The following NUP214 variants were observed in gnomAD, a reference collection of about 807,000 sequenced individuals.
The protein encoded by NUP214 is nucleoporin 214.
NUP214 carries 79 observed loss-of-function variants against 196.2 expected under a neutral mutation model. The ratio of observed to expected loss-of-function variants is 0.40; its 90% CI spans 0.34 to 0.49. NUP214 has a LOEUF of 0.49. NUP214 is among the 20% of genes least tolerant of loss of function. NUP214 has a pLI of 0.58. For missense variants in NUP214, 2,468 were observed against 2,539.0 expected, an observed-to-expected ratio of 0.97 and a Z score of 0.60; for synonymous variants, 1,020 against 990.5, an observed-to-expected ratio of 1.03 and a Z score of -0.56.
In NUP214 at chr9:131,129,310, A is replaced by T; in HGVS notation, c.425A>T (p.His142Leu). ...CAGCAAAAACGCCCATTTGCCTATC[A>T]TAAGCTTTTGAAAGATGCAGGAGGC... is the stretch of plus-strand genomic sequence containing the variant. ...AKQQKRPFAY[H>L]KLLKDAGGMV... The change falls in exon 4 of 36, where the codon CAT (histidine) becomes CTT (leucine). Residue 142 changes from histidine to leucine, a missense_variant. By Grantham distance (99) the His-to-Leu change is moderately conservative. Coordinates refer to ENST00000359428, the MANE Select transcript of NUP214 (RefSeq NM_005085.4). 1.2e-6 allele frequency: 2 copies of T among 1,614,234 alleles called. No homozygotes were observed. Among genetic ancestry groups the T allele is most frequent in the Non-Finnish European group, 1.7e-6 (2 of 1,180,046 alleles).
chr9:131,152,309 G>T (rs1319125178), intron 17 of NUP214, among the ~76,000 whole-genome samples: 3 of 151,956 alleles, frequency 2.0e-5, no homozygotes, highest in Non-Finnish European at 1.5e-5. Flanking sequence ...GAGAGATAAG[G>T]TGTTACTATG....
intron 21 of NUP214, among the ~76,000 whole-genome samples, chr9:131,173,110 G>A (rs1267892456): frequency 6.6e-6 from 1 of 152,160 alleles, no homozygotes; most frequent in Non-Finnish European, 1.5e-5. Context: ...AGGCTGCAGT[G>A]CAATGGTGCA....
intron 1 of NUP214, chr9:131,126,081 T>C: frequency 2.8e-6 from 1 of 363,168 alleles, no homozygotes; most frequent in Non-Finnish European, 5.0e-6. Context: ...GAAGTAGTCG[T>C]TAACGTAGAG....
At position 131,234,528 on chromosome 9, in the gene NUP214, A is replaced by C; in HGVS notation, c.*1041A>C. 1 of 232,004 alleles carries C rather than the reference A, an allele frequency of 4.3e-6. No homozygotes were observed. Among genetic ancestry groups the C allele is most frequent in the Non-Finnish European group, 8.5e-6 (1 of 117,312 alleles). 14.4% of individuals were successfully genotyped at this position (232,004 alleles called of 1,614,324 possible). A position where few individuals can be genotyped will look rare whatever the true frequency, so the allele number is the denominator to read the frequency against. Reference sequence around the variant, plus strand: ...AAACAGATGTAAGAATTTCTCTTTCAGGCCCAGAATCTGACAGTGCTTTGG... The same window carrying C: ...AAACAGATGTAAGAATTTCTCTTTCCGGCCCAGAATCTGACAGTGCTTTGG... On this transcript the variant is annotated 3_prime_UTR_variant, in exon 36 of 36. Coordinates refer to ENST00000359428, the MANE Select transcript of NUP214 (RefSeq NM_005085.4).
chr9:131,151,701 CTT>C (rs1190673589), intron 16 of NUP214, 33 bp from the exon 17 acceptor site: 41 of 1,567,410 alleles, frequency 2.6e-5, no homozygotes, highest in Non-Finnish European at 3.5e-5. Flanking sequence ...GACGTAACAA[CTT>C]TTTGTACCAA....
intron 14 of NUP214, 54 bp downstream of exon 14, chr9:131,147,638 C>T (rs1199074394): frequency 8.1e-7 from 1 of 1,239,566 alleles, no homozygotes; most frequent in Non-Finnish European, 1.2e-6. Flanking sequence ...CTGCCCCAAG[C>T]ATACCTATGA....
intron 1 of NUP214, among the ~76,000 whole-genome samples, chr9:131,126,726 A>G (rs1320592301): frequency 6.6e-6 from 1 of 151,662 alleles, no homozygotes; most frequent in African/African-American, 2.4e-5. Context: ...TTTTTATATC[A>G]TTTGGTAGAG....
chr9:131,202,657 C>T (rs564130338), intron 30 of NUP214, among the ~76,000 whole-genome samples: 1 of 151,772 alleles, frequency 6.6e-6, no homozygotes, highest in Admixed American at 6.6e-5. Context: ...CTGGTCTGGT[C>T]TCTTAACTCC....
In NUP214 at chr9:131,197,415, T is replaced by C; in HGVS notation, c.3921T>C (p.Ser1307=). The C allele has an allele frequency of 6.2e-7, 1 of 1,614,160 alleles. No homozygotes were observed. Among genetic ancestry groups the C allele is most frequent in the Non-Finnish European group, 8.5e-7 (1 of 1,180,012 alleles). Residue 1307 remains serine, a synonymous_variant, in exon 29 of 36, where the codon TCT becomes TCC. Coordinates refer to ENST00000359428, the MANE Select transcript of NUP214 (RefSeq NM_005085.4). ...CTGGAACTGCTCTTTCCACCACCTCTAGTAAGCTGGAAACCCCACCGTCCA... is the reference window on the plus strand; with the variant it reads ...CTGGAACTGCTCTTTCCACCACCTCCAGTAAGCTGGAAACCCCACCGTCCA... ...APSGTALSTT[S]SKLETPPSKL...
Position 131,163,106 on chromosome 9 carries a change from C to T in NUP214, c.2656C>T (p.Arg886Cys), listed in dbSNP as rs558499270. 130 of 1,614,214 alleles carry T rather than the reference C, an allele frequency of 8.1e-5. No individual in the cohort carries two copies. In the South Asian group the frequency reaches 8.8e-4, roughly 11 times the overall value. Residue 886 changes from arginine (R) to cysteine (C), a missense_variant, in exon 19 of 36, where the codon CGC becomes TGC. Arg to Cys is a radical substitution (Grantham distance 180). Around this residue, in one of 5 missense-constraint regions of NUP214, gnomAD observed 1,801 missense variants for 1,779.4 expected, o/e 1.01. Transcript: ENST00000359428. ...NHLVDSLQQL[R>C]LYKQTSLWSL... ...CCTGGTGGATAGTCTTCAGCAGCTC[C>T]GCCTTTACAAACAGACTTCCCTGTG...
intron 32 of NUP214, among the ~76,000 whole-genome samples, chr9:131,227,017 A>G (rs1326423930): frequency 6.6e-6 from 1 of 152,258 alleles, no homozygotes; most frequent in Admixed American, 6.5e-5. Flanking sequence ...TCATAGGCCA[A>G]CACTCACCTT....
At position 131,178,273 on chromosome 9, in the gene NUP214, G is replaced by T. The variant is rs561453901; in HGVS notation, c.3320-38G>T. The T allele has an allele frequency of 4.0e-6, 6 of 1,509,236 alleles. No individual in the cohort carries two copies. The South Asian group carries it at 6.8e-5, about 17-fold the overall frequency. 93.5% of individuals were successfully genotyped at this position (1,509,236 alleles called of 1,614,324 possible). On this transcript the variant is annotated intron_variant, in intron 23 of 35. Coordinates refer to ENST00000359428, the MANE Select transcript of NUP214 (RefSeq NM_005085.4). ...GGCTAGAACTTTTTATCCTTTGCTG[G>T]AATTAATATGGTGTTCTCTCTTCTC...
chr9:131,203,260 A>G (rs992869130), intron 30 of NUP214, among the ~76,000 whole-genome samples: 11 of 152,122 alleles, frequency 7.2e-5, no homozygotes, highest in African/African-American at 1.7e-4. Flanking sequence ...TAAGTCTTTT[A>G]TACAAATTAA....
intron 9 of NUP214, among the ~76,000 whole-genome samples, chr9:131,137,934 T>C (rs1021135067): frequency 3.3e-5 from 5 of 152,228 alleles, no homozygotes; most frequent in African/African-American, 7.2e-5. Context: ...CCAGTTGTTA[T>C]CTGCGTCTTC....
chr9:131,234,198 G>A lies in NUP214; in HGVS notation c.*711G>A, dbSNP rs779477867. On this transcript the variant is annotated 3_prime_UTR_variant, in exon 36 of 36. Transcript: ENST00000359428. ...GTCCTACTCCAGAGAGGAGGGGGCC[G>A]GTCACTTGAGAAGACAGCCTTTATA... The A allele has an allele frequency of 2.6e-5, 6 of 232,920 alleles. No homozygotes were observed. Among genetic ancestry groups the A allele is most frequent in the South Asian group, 1.8e-4 (1 of 5,540 alleles). The allele number at this position is 232,920 out of a possible 1,614,324, so 14.4% of individuals were successfully genotyped here.
At position 131,151,906 on chromosome 9, in the gene NUP214, A is replaced by G. The variant is rs1296291717; in HGVS notation, c.2436+12A>G. The G allele has an allele frequency of 6.4e-6, 10 of 1,572,172 alleles. No individual in the cohort carries two copies. Among genetic ancestry groups the G allele is most frequent in the Middle Eastern group, 2.0e-4 (1 of 4,992 alleles). On this transcript the variant is annotated intron_variant, in intron 17 of 35. Transcript: ENST00000359428. ...AAGCTCAGCTTCAGGTAGGAGATCT[A>G]TGTAAATCTGTTTAAAAGATTTAAA...
Position 131,198,198 on chromosome 9 carries a change from C to G in NUP214, c.4704C>G (p.Thr1568=), listed in dbSNP as rs1470482602. ...TSLVALSAEA[T]PATTGVPDAR... is the part of the protein sequence containing the mutation. ...TTGTAGCACTTTCTGCAGAGGCTACCCCAGCCACCACGGGGGTCCCTGATG... is the reference window on the plus strand; with the variant it reads ...TTGTAGCACTTTCTGCAGAGGCTACGCCAGCCACCACGGGGGTCCCTGATG... Residue 1568 remains threonine, a synonymous_variant, in exon 29 of 36, where the codon ACC becomes ACG. Transcript: ENST00000359428. 3 of 1,614,074 alleles carry G rather than the reference C, an allele frequency of 1.9e-6. No homozygotes were observed. Among genetic ancestry groups the G allele is most frequent in the Admixed American group, 1.7e-5 (1 of 60,010 alleles).
At chr9:131,149,206 C>T (rs896347881) in intron 14 of NUP214, among the ~76,000 whole-genome samples, 17 of 152,108 alleles carry the variant, frequency 1.1e-4, no homozygotes, top group African/African-American at 3.6e-4. Flanking sequence ...TCACAGTTCA[C>T]GGTGTGGCAT....
chr9:131,141,295 T>C (rs1831907812), intron 11 of NUP214, among the ~76,000 whole-genome samples: 1 of 152,140 alleles, frequency 6.6e-6, no homozygotes, highest in South Asian at 2.1e-4. Flanking sequence ...TGACTTTTTT[T>C]CTCCTTTTTG....
Sources: gnomAD v4.1 joint callset for allele counts (sites outside exome capture counted in the v4.1 genomes callset) on GRCh38, gnomAD v4.1.1 for gene constraint, gnomAD v4.1.1 regional missense constraint, MANE v1.5 for transcripts, NCBI Gene and HGNC (gene_info 2026-07-23, HGNC 2026-07-21) for gene names.